SAMD4A: variants seen among roughly 807,000 people sequenced by gnomAD.
The protein encoded by SAMD4A is sterile alpha motif domain containing 4A, also known as protein Smaug homolog 1.
In SAMD4A, 33 loss-of-function variants were observed where a neutral mutation model predicts 81.3. The observed-to-expected ratio is 0.41, with a 90% CI of 0.31 to 0.54. The LOEUF (loss-of-function observed/expected upper bound fraction) is 0.54, where lower values mean the gene tolerates loss of function less well. SAMD4A is among the 20% of genes least tolerant of loss of function. The pLI is 0.37. For synonymous variants in SAMD4A, 389 were observed against 382.1 expected (o/e 1.02, Z -0.21); for missense variants, 854 against 951.1 (o/e 0.90, Z 1.34).
chr14:54,732,644 T>G (rs1566609298), intron 3 of SAMD4A, among the ~76,000 whole-genome samples: 2 of 152,216 alleles, frequency 1.3e-5, no homozygotes, highest in Non-Finnish European at 2.9e-5. Flanking sequence ...AAATCTTTGT[T>G]AAAGTTTGTT....
At chr14:54,626,160 T>C (rs543252863) in intron 2 of SAMD4A, among the ~76,000 whole-genome samples, 1 of 151,598 alleles carries the variant, frequency 6.6e-6, no homozygotes, top group Non-Finnish European at 1.5e-5. Flanking sequence ...TCAGGAAAAA[T>C]AGTGGCTCTA....
chr14:54,629,111 C>T (rs905117356), intron 2 of SAMD4A, among the ~76,000 whole-genome samples: 14 of 152,064 alleles, frequency 9.2e-5, no homozygotes, highest in Non-Finnish European at 1.8e-4. Flanking sequence ...CTATAAGAAG[C>T]CGACAATGCC....
intron 2 of SAMD4A, chr14:54,685,736 C>A (rs377227428): frequency 2.2e-6 from 1 of 456,570 alleles, no homozygotes. Context: ...AGAACACTTA[C>A]AACCAGAACA....
intron 3 of SAMD4A, among the ~76,000 whole-genome samples, chr14:54,727,301 T>C (rs185154759): frequency 6.8e-6 from 1 of 146,508 alleles, no homozygotes; most frequent in African/African-American, 2.5e-5. Flanking sequence ...GCAATTCTCC[T>C]GCCTCAGCCC....
At position 54,651,329 on chromosome 14, in the gene SAMD4A, G is replaced by A. The variant is rs558071227; in HGVS notation, c.197-50733G>A. 7.2e-5 allele frequency among the ~76,000 whole-genome samples: 11 copies of A among 152,288 alleles called. No homozygotes were observed. The South Asian group carries it at 2.3e-3, about 32-fold the overall frequency. ...CTTTTATTGTAATGCACCAAGTAAAGACGAGGTGATGTGGGCACTAACTTA... is the reference window on the plus strand; with the variant it reads ...CTTTTATTGTAATGCACCAAGTAAAAACGAGGTGATGTGGGCACTAACTTA... On this transcript the variant is annotated intron_variant, in intron 2 of 12. Transcript: ENST00000554335.
chr14:54,766,596 A>G (rs549052717), intron 8 of SAMD4A, among the ~76,000 whole-genome samples: 2 of 152,292 alleles, frequency 1.3e-5, no homozygotes, highest in South Asian at 4.2e-4. Context: ...AGGAGGCAGA[A>G]GAGAGTGATG....
chr14:54,640,983 G>A (rs1047489777), intron 2 of SAMD4A, among the ~76,000 whole-genome samples: 2 of 152,044 alleles, frequency 1.3e-5, no homozygotes, highest in Non-Finnish European at 2.9e-5. Context: ...TCCACCTCCT[G>A]CTCTTGAGCT....
At chr14:54,700,062 T>G (rs1210289112) in intron 2 of SAMD4A, among the ~76,000 whole-genome samples, 1 of 152,222 alleles carries the variant, frequency 6.6e-6, no homozygotes, top group Non-Finnish European at 1.5e-5. Flanking sequence ...TTTAGTGACT[T>G]CTCTTGGGTC....
chr14:54,684,533 G>T (rs2036204916), intron 2 of SAMD4A, among the ~76,000 whole-genome samples: 1 of 152,178 alleles, frequency 6.6e-6, no homozygotes, highest in Non-Finnish European at 1.5e-5. Context: ...TACCATGAAG[G>T]GGGTTACAGA....
chr14:54,658,574 C>T (rs1360087738), intron 2 of SAMD4A, among the ~76,000 whole-genome samples: 3 of 152,194 alleles, frequency 2.0e-5, no homozygotes, highest in Non-Finnish European at 2.9e-5. Context: ...CATCCTGCTC[C>T]AAGTAGCCAG....
At chr14:54,780,282 C>G (rs1417465696) in intron 11 of SAMD4A, among the ~76,000 whole-genome samples, 1 of 152,188 alleles carries the variant, frequency 6.6e-6, no homozygotes, top group Admixed American at 6.5e-5. Flanking sequence ...CACATGGCAG[C>G]ATTTCATGGT....
chr14:54,708,711 G>C (rs560704818), intron 3 of SAMD4A, among the ~76,000 whole-genome samples: 2 of 152,298 alleles, frequency 1.3e-5, no homozygotes, highest in African/African-American at 4.8e-5. Context: ...GTTTCCAGGA[G>C]AGAAGAGTGA....
intron 2 of SAMD4A, among the ~76,000 whole-genome samples, chr14:54,691,643 A>T (rs978018007): frequency 1.3e-5 from 2 of 152,110 alleles, no homozygotes; most frequent in African/African-American, 4.8e-5. Flanking sequence ...GTGCACAAGT[A>T]ACAGGTGAAA....
intron 2 of SAMD4A, among the ~76,000 whole-genome samples, chr14:54,619,514 T>C (rs2034566088): frequency 6.6e-6 from 1 of 152,252 alleles, no homozygotes; most frequent in Non-Finnish European, 1.5e-5. Flanking sequence ...GTGCCTTGGC[T>C]AGGGATAACC....
intron 2 of SAMD4A, among the ~76,000 whole-genome samples, chr14:54,619,806 C>T (rs570760253): frequency 4.6e-5 from 7 of 152,244 alleles, no homozygotes; most frequent in African/African-American, 7.2e-5. Context: ...CATGTTCCTG[C>T]GAAGGACATG....
intron 2 of SAMD4A, among the ~76,000 whole-genome samples, chr14:54,651,288 C>A (rs2035397938): frequency 6.6e-6 from 1 of 152,176 alleles, no homozygotes; most frequent in Admixed American, 6.5e-5. Flanking sequence ...TGTCAACTTG[C>A]TGTTTATTGA....
chr14:54,787,295 T>C (rs1255222527), intron 12 of SAMD4A, among the ~76,000 whole-genome samples: 1 of 152,200 alleles, frequency 6.6e-6, no homozygotes, highest in African/African-American at 2.4e-5. Context: ...ACAGAACTTA[T>C]ATACAAGTGC....
At chr14:54,591,636 T>A (rs948937043) in intron 2 of SAMD4A, among the ~76,000 whole-genome samples, 9 of 152,152 alleles carry the variant, frequency 5.9e-5, no homozygotes, top group Non-Finnish European at 1.2e-4. Context: ...CATGTGTAGC[T>A]GCCCCATTCA....
Position 54,774,931 on chromosome 14 carries a change from C to T in SAMD4A, c.1716-3C>T, listed in dbSNP as rs2038802270. The T allele has an allele frequency of 1.9e-6, 3 of 1,614,132 alleles. No homozygotes were observed. Among genetic ancestry groups the T allele is most frequent in the Non-Finnish European group, 2.5e-6 (3 of 1,180,026 alleles). On this transcript the variant is annotated splice_polypyrimidine_tract_variant and splice_region_variant and intron_variant, in intron 9 of 12. Transcript: ENST00000554335. Reference sequence around the variant, plus strand: ...TCTCTTCCTTCTCTCTTGGCTCTCACAGTCGAGGCTTTGGGCAATCCAACT... The same window carrying T: ...TCTCTTCCTTCTCTCTTGGCTCTCATAGTCGAGGCTTTGGGCAATCCAACT...
Sources: gnomAD v4.1 joint callset for allele counts (sites outside exome capture counted in the v4.1 genomes callset) on GRCh38, gnomAD v4.1.1 for gene constraint, MANE v1.5 for transcripts, NCBI Gene and HGNC (gene_info 2026-07-23, HGNC 2026-07-21) for gene names.